The following ME1 variants were observed in gnomAD, a reference collection of about 807,000 sequenced individuals.
ME1 encodes the protein malic enzyme 1.
A neutral mutation model predicts 66.4 loss-of-function variants in ME1; 74 were observed. The observed-to-expected ratio is 1.11, with a 90% CI of 0.92 to 1.35. ME1 has a LOEUF of 1.35. Ranked by LOEUF, ME1 falls within the 40% of genes most tolerant of loss-of-function variation. The pLI, the probability that ME1 is intolerant of heterozygous loss-of-function variation, is 0.00. For missense variants in ME1, 750 were observed against 694.1 expected (o/e 1.08, Z -0.90); for synonymous variants, 251 against 235.6 (o/e 1.07, Z -0.60).
chr6:83,375,908 G>T (rs934467676), intron 3 of ME1, among the ~76,000 whole-genome samples: 3 of 152,034 alleles, frequency 2.0e-5, no homozygotes, highest in Admixed American at 6.6e-5. Context: ...ATTGAATTGT[G>T]TATGTTATTT....
At chr6:83,282,716 C>A (rs531067805) in intron 6 of ME1, among the ~76,000 whole-genome samples, 2 of 152,232 alleles carry the variant, frequency 1.3e-5, no homozygotes, top group East Asian at 3.9e-4. Flanking sequence ...CCTCAAGGAT[C>A]TAGAACCAGA....
At chr6:83,296,486 C>T (rs1451170920) in intron 6 of ME1, among the ~76,000 whole-genome samples, 1 of 152,140 alleles carries the variant, frequency 6.6e-6, no homozygotes. Flanking sequence ...GTTAAAAATG[C>T]TCAATAAACT....
chr6:83,312,654 C>T (rs932925959), intron 6 of ME1, among the ~76,000 whole-genome samples: 1 of 152,102 alleles, frequency 6.6e-6, no homozygotes, highest in Non-Finnish European at 1.5e-5. Flanking sequence ...CAGGGGTAAT[C>T]CCAACTAAGT....
chr6:83,373,945 G>A (rs548250838), intron 3 of ME1, among the ~76,000 whole-genome samples: 8 of 152,182 alleles, frequency 5.3e-5, no homozygotes, highest in African/African-American at 1.7e-4. Context: ...TATCTCATTC[G>A]TTTTTATGGC....
At chr6:83,246,590 T>A (rs1376155344) in intron 7 of ME1, among the ~76,000 whole-genome samples, 3 of 152,154 alleles carry the variant, frequency 2.0e-5, no homozygotes, top group Non-Finnish European at 4.4e-5. Context: ...TAATATTCCA[T>A]ACTATGGGTA....
intron 6 of ME1, among the ~76,000 whole-genome samples, chr6:83,273,248 G>T (rs1767117857): frequency 6.8e-6 from 1 of 147,604 alleles, no homozygotes; most frequent in Non-Finnish European, 1.5e-5. Flanking sequence ...ATTTCAAATT[G>T]TCCCTTTTAA....
In ME1 at chr6:83,250,464, T is replaced by C. The variant is rs2300463; in HGVS notation, c.814+3165A>G. Among the ~76,000 whole-genome samples, 9 of 152,358 alleles carry C rather than the reference T, an allele frequency of 5.9e-5. No individual in the cohort carries two copies. The East Asian group carries it at 1.5e-3, about 26-fold the overall frequency. ...GGCAAAGCAAATCAGTGTGACTCTATAGTCCAAGCTCTTAACATCTGCATT... is the reference window on the plus strand; with the variant it reads ...GGCAAAGCAAATCAGTGTGACTCTACAGTCCAAGCTCTTAACATCTGCATT... On this transcript the variant is annotated intron_variant, in intron 7 of 13. Transcript: ENST00000369705.
chr6:83,312,372 A>G (rs1325693677), intron 6 of ME1, among the ~76,000 whole-genome samples: 1 of 152,210 alleles, frequency 6.6e-6, no homozygotes, highest in East Asian at 1.9e-4. Context: ...GTGATTCCTC[A>G]GACCCTAGAT....
At chr6:83,312,498 C>G (rs757523961) in intron 6 of ME1, among the ~76,000 whole-genome samples, 1 of 152,144 alleles carries the variant, frequency 6.6e-6, no homozygotes, top group Non-Finnish European at 1.5e-5. Context: ...TGAAGCTGCT[C>G]TACCCTAAAC....
chr6:83,298,948 T>TTTTG (rs1767658600), intron 6 of ME1, among the ~76,000 whole-genome samples: 1 of 121,892 alleles, frequency 8.2e-6, no homozygotes, highest in Non-Finnish European at 1.7e-5. Context: ...TTTTTTTTTT[T>TTTTG]TTTTTTTTTT....
intron 3 of ME1, among the ~76,000 whole-genome samples, chr6:83,357,935 C>CTCTCTCTCTATATATATATA (rs1447805761): frequency 3.3e-5 from 1 of 30,040 alleles, no homozygotes; most frequent in Non-Finnish European, 5.9e-5. Context: ...CTCTCTCTCT[C>CTCTCTCTCTATATATATATA]TATATATATA....
chr6:83,235,325 C>A (rs1790379125), intron 9 of ME1, among the ~76,000 whole-genome samples: 1 of 152,048 alleles, frequency 6.6e-6, no homozygotes, highest in Non-Finnish European at 1.5e-5. Flanking sequence ...AGATCAAGGG[C>A]TTTATTGAAT....
intron 6 of ME1, among the ~76,000 whole-genome samples, chr6:83,283,897 T>C (rs748986800): frequency 7.9e-5 from 12 of 152,002 alleles, no homozygotes; most frequent in Non-Finnish European, 1.8e-4. Context: ...AGAGCAAAAG[T>C]GAATGAAATT....
intron 6 of ME1, among the ~76,000 whole-genome samples, chr6:83,294,758 C>G (rs1401608906): frequency 6.6e-6 from 1 of 152,048 alleles, no homozygotes; most frequent in Non-Finnish European, 1.5e-5. Context: ...TTCCACAGTT[C>G]CCCCCGACTC....
At chr6:83,364,238 A>G (rs568060239) in intron 3 of ME1, among the ~76,000 whole-genome samples, 51 of 152,254 alleles carry the variant, frequency 3.3e-4, no homozygotes, top group Non-Finnish European at 6.0e-4. Context: ...CCCCTACCCT[A>G]CATCTTTCTG....
chr6:83,312,954 G>C (rs554286725), intron 6 of ME1, among the ~76,000 whole-genome samples: 1 of 151,912 alleles, frequency 6.6e-6, no homozygotes, highest in African/African-American at 2.4e-5. Context: ...ACAGGGTTTC[G>C]CCATGCTGGC....
chr6:83,293,892 G>T (rs760754148), intron 6 of ME1, among the ~76,000 whole-genome samples: 1 of 152,018 alleles, frequency 6.6e-6, no homozygotes, highest in South Asian at 2.1e-4. Flanking sequence ...TTCTTCTTTC[G>T]CATTTAGTTG....
At chr6:83,225,460 T>C (rs1157157351) in intron 11 of ME1, among the ~76,000 whole-genome samples, 1 of 152,104 alleles carries the variant, frequency 6.6e-6, no homozygotes, top group African/African-American at 2.4e-5. Flanking sequence ...TTAACTTTCA[T>C]ATCTCTTGGA....
At chr6:83,286,778 T>C (rs1397711022) in intron 6 of ME1, among the ~76,000 whole-genome samples, 1 of 152,148 alleles carries the variant, frequency 6.6e-6, no homozygotes, top group Non-Finnish European at 1.5e-5. Context: ...AAAATATTCC[T>C]GAAGAATGTA....
Sources: gnomAD v4.1 joint callset for allele counts (sites outside exome capture counted in the v4.1 genomes callset) on GRCh38, gnomAD v4.1.1 for gene constraint, MANE v1.5 for transcripts, NCBI Gene and HGNC (gene_info 2026-07-23, HGNC 2026-07-21) for gene names.